CCDC73: variants seen among roughly 807,000 people sequenced by gnomAD.
CCDC73 encodes coiled-coil domain containing 73, also known as coiled-coil domain-containing protein 73.
In CCDC73, 95 loss-of-function variants were observed where a neutral mutation model predicts 116.5. The observed-to-expected ratio is 0.82, with a 90% CI of 0.69 to 0.97. The LOEUF (loss-of-function observed/expected upper bound fraction) is 0.97, where lower values mean the gene tolerates loss of function less well. Among genes scored for constraint, CCDC73 ranks in the 50% least tolerant of loss-of-function variants. The pLI is 0.00. For synonymous variants in CCDC73, 398 were observed against 401.3 expected, an observed-to-expected ratio of 0.99 and a Z score of 0.10; for missense variants, 1,066 against 1,206.8, an observed-to-expected ratio of 0.88 and a Z score of 1.73.
At chr11:32,616,503 A>G (rs1177198221) in intron 14 of CCDC73, among the ~76,000 whole-genome samples, 1 of 152,076 alleles carries the variant, frequency 6.6e-6, no homozygotes, top group African/African-American at 2.4e-5. Flanking sequence ...AGTTCTTGCT[A>G]TGTTGCCCAG....
chr11:32,776,208 C>A (rs1205594498), intron 1 of CCDC73, among the ~76,000 whole-genome samples: 4 of 152,124 alleles, frequency 2.6e-5, no homozygotes, highest in Non-Finnish European at 5.9e-5. Context: ...TCAATCTAGT[C>A]AGACCCTCAT....
chr11:32,655,852 G>T (rs964745713), intron 9 of CCDC73, among the ~76,000 whole-genome samples: 4 of 152,172 alleles, frequency 2.6e-5, no homozygotes, highest in African/African-American at 9.7e-5. Flanking sequence ...GAAGTCACAT[G>T]TTCATTGAGT....
chr11:32,807,019 C>T, the CCDC73 span, among the ~76,000 whole-genome samples: 6 of 152,306 alleles, frequency 3.9e-5, no homozygotes, highest in African/African-American at 1.4e-4. Flanking sequence ...TGAGCAAGAG[C>T]AGCCACCCTG....
In CCDC73 at chr11:32,602,724, C is replaced by T. The variant is rs1590533680; in HGVS notation, c.*87G>A. On this transcript the variant is annotated 3_prime_UTR_variant, in exon 18 of 18. Coordinates refer to ENST00000335185, the MANE Select transcript of CCDC73 (RefSeq NM_001008391.4). ...GGAAAAGCAAAGACAAACTGTAGAGCTTTAAATACAACAGTCATTTTATTC... is the reference window on the plus strand; with the variant it reads ...GGAAAAGCAAAGACAAACTGTAGAGTTTTAAATACAACAGTCATTTTATTC... 1 of 1,068,114 alleles carries T rather than the reference C, an allele frequency of 9.4e-7. No homozygotes were observed. Among genetic ancestry groups the T allele is most frequent in the South Asian group, 1.7e-5 (1 of 58,112 alleles). 66.2% of individuals were successfully genotyped at this position (1,068,114 alleles called of 1,614,324 possible). A position where few individuals can be genotyped will look rare whatever the true frequency, so the allele number is the denominator to read the frequency against.
chr11:32,717,309 G>A (rs952665876), intron 3 of CCDC73, among the ~76,000 whole-genome samples: 1 of 152,202 alleles, frequency 6.6e-6, no homozygotes, highest in Non-Finnish European at 1.5e-5. Context: ...TACAGATAAA[G>A]CTATGGAGAA....
At chr11:32,724,110 T>C (rs552576570) in intron 2 of CCDC73, among the ~76,000 whole-genome samples, 1 of 152,234 alleles carries the variant, frequency 6.6e-6, no homozygotes, top group South Asian at 2.1e-4. Flanking sequence ...GGGGTATGAT[T>C]CTATCCATAC....
intron 14 of CCDC73, among the ~76,000 whole-genome samples, chr11:32,620,736 C>T (rs1855516556): frequency 6.6e-6 from 1 of 150,748 alleles, no homozygotes; most frequent in Non-Finnish European, 1.5e-5. Context: ...CAATGAGTAA[C>T]AGGAGGTGGG....
the CCDC73 span, among the ~76,000 whole-genome samples, chr11:32,806,560 G>T: frequency 6.6e-6 from 1 of 150,910 alleles, no homozygotes; most frequent in Non-Finnish European, 1.5e-5. Context: ...GGAGGCGGAG[G>T]TTGCAATGAG....
chr11:32,802,426 T>G, the CCDC73 span, among the ~76,000 whole-genome samples: 1,925 of 152,324 alleles, frequency 0.013, 39 homozygotes, highest in African/African-American at 0.044. Flanking sequence ...TATCACCAAT[T>G]GTGAGAATAT....
At chr11:32,655,091 C>CTA in intron 9 of CCDC73, 119 bp from the exon 10 acceptor site, 1 of 409,048 alleles carries the variant, frequency 2.4e-6, no homozygotes, top group South Asian at 3.4e-5. Flanking sequence ...TTATAATTCC[C>CTA]TTGCAAGTTC....
intron 2 of CCDC73, among the ~76,000 whole-genome samples, chr11:32,743,180 C>A (rs1788135348): frequency 6.6e-6 from 1 of 152,052 alleles, no homozygotes; most frequent in Non-Finnish European, 1.5e-5. Context: ...TAGTTTTTTC[C>A]AATTCTGTGA....
chr11:32,779,189 T>C (rs753171512), intron 1 of CCDC73, among the ~76,000 whole-genome samples: 39 of 149,100 alleles, frequency 2.6e-4, no homozygotes, highest in Middle Eastern at 3.5e-3. Context: ...CAGTGAAGAG[T>C]AGCTTTGTCC....
chr11:32,797,188 T>G (rs1850733715), upstream of CCDC73, among the ~76,000 whole-genome samples: 1 of 152,144 alleles, frequency 6.6e-6, no homozygotes, highest in South Asian at 2.1e-4. Context: ...GGCACACATC[T>G]ATAGTCCCAG....
At chr11:32,712,225 C>A (rs1161464552) in intron 3 of CCDC73, among the ~76,000 whole-genome samples, 2 of 151,892 alleles carry the variant, frequency 1.3e-5, no homozygotes, top group Non-Finnish European at 2.9e-5. Context: ...CAAACTTATA[C>A]AAGTTGAGAG....
intron 7 of CCDC73, chr11:32,682,572 C>G (rs1565075060): frequency 1.3e-5 from 2 of 151,654 alleles, no homozygotes; most frequent in Admixed American, 6.6e-5. Flanking sequence ...AATATATAAG[C>G]CTTACTCAAA....
At chr11:32,756,472 T>A (rs1295671585) in intron 2 of CCDC73, among the ~76,000 whole-genome samples, 1 of 145,706 alleles carries the variant, frequency 6.9e-6, no homozygotes, top group African/African-American at 2.5e-5. Context: ...TATATCTCCA[T>A]ATATATCTAT....
intron 15 of CCDC73, chr11:32,615,731 G>A (rs754900319): frequency 1.4e-5 from 6 of 416,804 alleles, no homozygotes; most frequent in South Asian, 3.0e-5. Context: ...AAGGTTATCT[G>A]AATTAAGAAA....
chr11:32,726,506 G>A (rs2133340528), intron 2 of CCDC73, among the ~76,000 whole-genome samples: 1 of 152,054 alleles, frequency 6.6e-6, no homozygotes, highest in East Asian at 1.9e-4. Context: ...ACTGAAACAT[G>A]GAGAGAAAAA....
At position 32,602,949 on chromosome 11, in the gene CCDC73, A is replaced by G. The variant is rs1590534099; in HGVS notation, c.3102T>C (p.Thr1034=). 4 of 1,613,604 alleles carry G rather than the reference A, an allele frequency of 2.5e-6. No individual in the cohort carries two copies. The East Asian group carries it at 8.9e-5, about 36-fold the overall frequency. Residue 1034 remains threonine, a synonymous_variant, in exon 18 of 18, where the codon ACT becomes ACC. Coordinates refer to ENST00000335185, the MANE Select transcript of CCDC73 (RefSeq NM_001008391.4). ...GGCTCTGCCAGTCATCATCACCAGA[A>G]GTATTTTTAGTCGTCTTGATTGCCT... ...HLQAIKTTKN[T]SGDDDWQSLI...
Sources: allele counts gnomAD v4.1 joint callset (sites outside exome capture counted in the v4.1 genomes callset), GRCh38; gene constraint gnomAD v4.1.1; transcripts MANE v1.5; gene names NCBI Gene and HGNC (gene_info 2026-07-23, HGNC 2026-07-21).